Variants in FRMD4A observed in about 807,000 individuals in gnomAD.
The protein encoded by FRMD4A is FERM domain-containing protein 4A.
In FRMD4A, 29 loss-of-function variants were observed where a neutral mutation model predicts 129.1. That is an observed-to-expected ratio of 0.22 (90% confidence interval 0.17 to 0.31). The LOEUF is 0.31. Ranked by LOEUF, FRMD4A falls within the 10% of genes least tolerant of loss-of-function variation. The probability of loss-of-function intolerance (pLI) is 1.00; values close to 1 mark genes in which losing one functional copy is unlikely to be tolerated. For synonymous variants in FRMD4A, 634 were observed against 571.6 expected (o/e 1.11, Z -1.56); for missense variants, 1,272 against 1,375.8 (o/e 0.92, Z 1.19).
rs1254769256 is a variant in FRMD4A at position 13,687,087 on chromosome 10, T to C, written c.1117+6811A>G. Among the ~76,000 whole-genome samples the C allele has an allele frequency of 3.9e-5, 6 of 152,156 alleles. No homozygotes were observed. The East Asian group carries it at 1.2e-3, about 29-fold the overall frequency. ...AGGCAGCTCACTTGAGCTCAAGAGT[T>C]CGAGACCATCCTGGCCAACATCATG... On this transcript the variant is annotated intron_variant, in intron 15 of 24. Transcript: ENST00000357447.
intron 2 of FRMD4A, among the ~76,000 whole-genome samples, chr10:14,072,670 T>A (rs1835371574): frequency 6.6e-6 from 1 of 152,178 alleles, no homozygotes; most frequent in African/African-American, 2.4e-5. Context: ...ATTTATCAGT[T>A]ATTTTGGGAA....
At chr10:14,185,249 C>G (rs1036616916) in intron 2 of FRMD4A, among the ~76,000 whole-genome samples, 1 of 152,094 alleles carries the variant, frequency 6.6e-6, no homozygotes, top group Non-Finnish European at 1.5e-5. Flanking sequence ...TCAAGAAGCC[C>G]GGAAACTATT....
chr10:14,240,355 T>C (rs974645417), intron 2 of FRMD4A, among the ~76,000 whole-genome samples: 1 of 152,198 alleles, frequency 6.6e-6, no homozygotes, highest in African/African-American at 2.4e-5. Context: ...GACATTTCTA[T>C]CATGTGGCAT....
rs140771763 is a variant in FRMD4A at position 13,701,996 on chromosome 10, G to A, written c.837-518C>T. On this transcript the variant is annotated intron_variant, in intron 13 of 24. Coordinates refer to ENST00000357447, the MANE Select transcript of FRMD4A (RefSeq NM_018027.5). ...AATTTCCAATCTATTCAGAGGGCAGGGAGGGTATAAAGAATCAGGAGAAGA... is the reference window on the plus strand; with the variant it reads ...AATTTCCAATCTATTCAGAGGGCAGAGAGGGTATAAAGAATCAGGAGAAGA... Among the ~76,000 whole-genome samples, 433 of 152,306 alleles carry A rather than the reference G, an allele frequency of 2.8e-3. 2 individuals are homozygous for A. Among genetic ancestry groups the A allele is most frequent in the African/African-American group, 9.8e-3 (408 of 41,568 alleles).
intron 2 of FRMD4A, among the ~76,000 whole-genome samples, chr10:14,184,196 A>G (rs1433001179): frequency 7.8e-6 from 1 of 127,978 alleles, no homozygotes; most frequent in African/African-American, 3.1e-5. Context: ...CGGTGGTGCC[A>G]TCTCGGCTCA....
chr10:13,810,885 A>C lies in FRMD4A; in HGVS notation c.135T>G (p.Leu45=), dbSNP rs753261642. 105 of 1,599,644 alleles carry C rather than the reference A, an allele frequency of 6.6e-5. No homozygotes were observed. The highest frequency in any genetic ancestry group is 8.7e-5 in the Non-Finnish European group (102 of 1,167,636). Reference sequence around the variant, plus strand: ...TGAAGTGAGAAGCCACAAGGTCAAGAAGCTCCTTGGCCAACAGCTTGGGCT... The same window carrying C: ...TGAAGTGAGAAGCCACAAGGTCAAGCAGCTCCTTGGCCAACAGCTTGGGCT... The part of the protein sequence containing the change: ...LVQPKLLAKE[L]LDLVASHFNL... Residue 45 remains leucine (L), a synonymous_variant, in exon 4 of 25, where the codon CTT becomes CTG. Transcript: ENST00000357447.
intron 15 of FRMD4A, among the ~76,000 whole-genome samples, chr10:13,677,810 G>C (rs2084131107): frequency 6.6e-6 from 1 of 152,128 alleles, no homozygotes; most frequent in South Asian, 2.1e-4. Context: ...TTTCATCATT[G>C]AAAGAATTAA....
intron 2 of FRMD4A, among the ~76,000 whole-genome samples, chr10:13,884,140 A>ACACGCT (rs1564970454): frequency 8.7e-5 from 6 of 68,878 alleles, no homozygotes; most frequent in African/African-American, 5.7e-5. Flanking sequence ...ACGCTCACAC[A>ACACGCT]CACTCTCACA....
chr10:13,971,520 T>G (rs1389589685), intron 2 of FRMD4A: 2 of 451,916 alleles, frequency 4.4e-6, no homozygotes, highest in Non-Finnish European at 8.4e-6. Context: ...GCTCTGTTCA[T>G]GTTAACTGCT....
chr10:13,947,163 G>A (rs1554982593), intron 2 of FRMD4A, among the ~76,000 whole-genome samples: 2 of 152,160 alleles, frequency 1.3e-5, no homozygotes, highest in African/African-American at 2.4e-5. Flanking sequence ...GTAGGAAAGC[G>A]GAGACCTGAG....
At chr10:13,714,045 T>TATACATATATATAAA (rs2088496716) in intron 12 of FRMD4A, among the ~76,000 whole-genome samples, 1 of 15,378 alleles carries the variant, frequency 6.5e-5, no homozygotes, top group African/African-American at 3.0e-4. Flanking sequence ...TATATATATA[T>TATACATATATATAAA]ATATATATAT....
At chr10:14,250,866 TACAGGGCTA>T (rs1431712353) in intron 2 of FRMD4A, among the ~76,000 whole-genome samples, 17 of 152,204 alleles carry the variant, frequency 1.1e-4, no homozygotes, top group Admixed American at 1.1e-3. Flanking sequence ...GTCCAGCACC[TACAGGGCTA>T]ATAGTACCAG....
At chr10:14,170,113 A>C (rs1450257515) in intron 2 of FRMD4A, among the ~76,000 whole-genome samples, 1 of 152,210 alleles carries the variant, frequency 6.6e-6, no homozygotes, top group East Asian at 1.9e-4. Flanking sequence ...TAATTGCCCT[A>C]AGGAGCCATA....
At chr10:13,661,759 C>A (rs1252948808) in intron 19 of FRMD4A, among the ~76,000 whole-genome samples, 1 of 152,108 alleles carries the variant, frequency 6.6e-6, no homozygotes, top group Non-Finnish European at 1.5e-5. Context: ...TCAGGCTTCA[C>A]AGGGAAGGCA....
At chr10:13,950,322 G>A (rs1021875460) in intron 2 of FRMD4A, among the ~76,000 whole-genome samples, 5 of 152,230 alleles carry the variant, frequency 3.3e-5, no homozygotes, top group African/African-American at 1.2e-4. Flanking sequence ...TGTAACTCAA[G>A]ACTGGTTTTA....
intron 2 of FRMD4A, among the ~76,000 whole-genome samples, chr10:13,936,896 C>T (rs974565312): frequency 2.6e-5 from 4 of 152,194 alleles, no homozygotes; most frequent in African/African-American, 4.8e-5. Flanking sequence ...ATGGCACACT[C>T]GTGTTAACTA....
intron 2 of FRMD4A, among the ~76,000 whole-genome samples, chr10:14,212,536 T>C (rs1842960465): frequency 6.6e-6 from 1 of 152,016 alleles, no homozygotes; most frequent in African/African-American, 2.4e-5. Context: ...CCAGCTCAGC[T>C]CTCCCACTCT....
rs1005238175 is a variant in FRMD4A at position 14,328,203 on chromosome 10, G to C, written c.45+1855C>G. The stretch of plus-strand genomic sequence containing the variant: ...CTCTTTCCCCTGGTTTCCAAGAGAG[G>C]AGAACACGATCCTTTTTTCCGGGCA... On this transcript the variant is annotated intron_variant, in intron 2 of 24. Transcript: ENST00000357447. Among the ~76,000 whole-genome samples the C allele has an allele frequency of 2.0e-5, 3 of 152,092 alleles. No individual in the cohort carries two copies. The East Asian group carries it at 5.8e-4, about 29-fold the overall frequency.
chr10:13,974,437 C>T (rs1403864686), intron 2 of FRMD4A, among the ~76,000 whole-genome samples: 2 of 152,058 alleles, frequency 1.3e-5, no homozygotes, highest in South Asian at 2.1e-4. Context: ...CATGGAAGCT[C>T]GGGGTGACAG....
Sources: gnomAD v4.1 joint callset for allele counts (sites outside exome capture counted in the v4.1 genomes callset) on GRCh38, gnomAD v4.1.1 for gene constraint, MANE v1.5 for transcripts, NCBI Gene and HGNC (gene_info 2026-07-23, HGNC 2026-07-21) for gene names.